AUTS2: variants seen among roughly 807,000 people sequenced by gnomAD.
AUTS2 encodes the protein autism susceptibility gene 2 protein.
A neutral mutation model predicts 112.4 loss-of-function variants in AUTS2; 17 were observed. That is an observed-to-expected ratio of 0.15 (90% confidence interval 0.10 to 0.23). AUTS2 has a LOEUF of 0.23. Ranked by LOEUF, AUTS2 falls within the 10% of genes least tolerant of loss-of-function variation. AUTS2 has a pLI of 1.00. For synonymous variants in AUTS2, 751 were observed against 702.7 expected (o/e 1.07, Z -1.09); for missense variants, 1,510 against 1,701.6 (o/e 0.89, Z 1.98).
intron 2 of AUTS2, among the ~76,000 whole-genome samples, chr7:70,105,933 A>C (rs1804744757): frequency 6.6e-6 from 1 of 152,186 alleles, no homozygotes; most frequent in African/African-American, 2.4e-5. Flanking sequence ...AATTTATATT[A>C]ATCAGTAAAA....
intron 2 of AUTS2, among the ~76,000 whole-genome samples, chr7:69,920,973 A>T (rs1176521912): frequency 1.3e-5 from 2 of 152,176 alleles, no homozygotes; most frequent in African/African-American, 2.4e-5. Flanking sequence ...ATTTTTCACT[A>T]ATCTCCCTCG....
chr7:69,965,107 A>C (rs532886519), intron 2 of AUTS2, among the ~76,000 whole-genome samples: 1 of 152,102 alleles, frequency 6.6e-6, no homozygotes, highest in Non-Finnish European at 1.5e-5. Flanking sequence ...GTGAACTTCA[A>C]CATCTGATAG....
chr7:69,941,537 A>G (rs1026207147), intron 2 of AUTS2, among the ~76,000 whole-genome samples: 3 of 151,066 alleles, frequency 2.0e-5, no homozygotes, highest in African/African-American at 7.3e-5. Context: ...ATTGCAGTTT[A>G]TACTACAGCA....
intron 2 of AUTS2, among the ~76,000 whole-genome samples, chr7:70,014,652 A>G (rs1010976832): frequency 6.6e-6 from 1 of 152,180 alleles, no homozygotes; most frequent in African/African-American, 2.4e-5. Flanking sequence ...TCTCTAACAC[A>G]CTGGTCCTGT....
intron 1 of AUTS2, among the ~76,000 whole-genome samples, chr7:69,756,558 A>T (rs1787953247): frequency 6.6e-6 from 1 of 151,544 alleles, no homozygotes; most frequent in Admixed American, 6.6e-5. Flanking sequence ...CAGGCCAGAC[A>T]ACTCCAGTTG....
At chr7:69,919,270 CTATTGA>C in intron 2 of AUTS2, among the ~76,000 whole-genome samples, 1 of 152,114 alleles carries the variant, frequency 6.6e-6, no homozygotes, top group East Asian at 1.9e-4. Context: ...CAGCGTGTGG[CTATTGA>C]TATTGATATA....
chr7:70,765,663 T>C (rs891735894), intron 8 of AUTS2, among the ~76,000 whole-genome samples: 1 of 152,132 alleles, frequency 6.6e-6, no homozygotes. Context: ...CAGCTGACAT[T>C]TATTAGTGTG....
chr7:70,065,628 C>T (rs971569208), intron 2 of AUTS2, among the ~76,000 whole-genome samples: 2 of 152,022 alleles, frequency 1.3e-5, no homozygotes, highest in East Asian at 3.9e-4. Context: ...ACCCGAGAGG[C>T]GGAGGTTATG....
chr7:69,989,965 C>T (rs1391091193), intron 2 of AUTS2, among the ~76,000 whole-genome samples: 1 of 152,192 alleles, frequency 6.6e-6, no homozygotes, highest in Non-Finnish European at 1.5e-5. Flanking sequence ...GGAACAGGTG[C>T]ATCCCAACAC....
At chr7:70,589,912 C>T (rs1423913421) in intron 5 of AUTS2, among the ~76,000 whole-genome samples, 2 of 152,216 alleles carry the variant, frequency 1.3e-5, no homozygotes, top group African/African-American at 4.8e-5. Flanking sequence ...CTCTGCTGTT[C>T]CCCACTCAAA....
chr7:70,097,022 T>A lies in AUTS2; in HGVS notation c.523-21110T>A, dbSNP rs530471761. Among the ~76,000 whole-genome samples, 29 of 152,314 alleles carry A rather than the reference T, an allele frequency of 1.9e-4. 1 individual carries two copies. In the South Asian group the frequency reaches 3.9e-3, roughly 21 times the overall value. ...TGTGCCTTCCCTAAAGGGCTGAAAT[T>A]GAAAAGAATTAGTACGAATGCATTT... On this transcript the variant is annotated intron_variant, in intron 2 of 18. Transcript: ENST00000342771.
intron 5 of AUTS2, among the ~76,000 whole-genome samples, chr7:70,580,423 A>G (rs945360272): frequency 6.6e-6 from 1 of 152,142 alleles, no homozygotes; most frequent in East Asian, 1.9e-4. Context: ...AAGGCAGGTC[A>G]AAAGGGTGGA....
At chr7:69,864,669 A>G (rs1422409662) in intron 1 of AUTS2, among the ~76,000 whole-genome samples, 10 of 152,150 alleles carry the variant, frequency 6.6e-5, no homozygotes, top group Admixed American at 5.9e-4. Flanking sequence ...TGAGAGGGAG[A>G]ACATACTTTA....
intron 4 of AUTS2, among the ~76,000 whole-genome samples, chr7:70,358,982 G>A (rs896000998): frequency 1.3e-5 from 2 of 152,198 alleles, no homozygotes; most frequent in African/African-American, 4.8e-5. Flanking sequence ...AGTCAGCTGG[G>A]GTCTTGTGCA....
intron 1 of AUTS2, among the ~76,000 whole-genome samples, chr7:69,846,057 C>G (rs993374670): frequency 6.6e-6 from 1 of 151,972 alleles, no homozygotes; most frequent in Non-Finnish European, 1.5e-5. Context: ...TCCCTCTTTT[C>G]TCACTCTCAA....
intron 5 of AUTS2, among the ~76,000 whole-genome samples, chr7:70,642,723 C>T (rs1468104392): frequency 2.6e-5 from 4 of 152,212 alleles, no homozygotes; most frequent in African/African-American, 4.8e-5. Context: ...TATCTCCTTC[C>T]ATTCCATCCT....
intron 1 of AUTS2, among the ~76,000 whole-genome samples, chr7:69,672,278 C>T (rs1036165439): frequency 3.9e-5 from 6 of 151,972 alleles, no homozygotes; most frequent in African/African-American, 1.2e-4. Context: ...AGTCCGATCT[C>T]GAACTCCCGA....
intron 4 of AUTS2, chr7:70,293,511 G>T (rs987341693): frequency 6.6e-6 from 1 of 152,132 alleles, no homozygotes; most frequent in South Asian, 2.1e-4. Flanking sequence ...GGACATTTCG[G>T]TTCTGTCATC....
At chr7:69,637,813 G>T (rs1794618307) in intron 1 of AUTS2, among the ~76,000 whole-genome samples, 3 of 152,218 alleles carry the variant, frequency 2.0e-5, no homozygotes, top group East Asian at 3.9e-4. Flanking sequence ...TGGCCTTGGA[G>T]AGGCTGTTAT....
Sources: gnomAD v4.1 joint callset for allele counts (sites outside exome capture counted in the v4.1 genomes callset) on GRCh38, gnomAD v4.1.1 for gene constraint, MANE v1.5 for transcripts, NCBI Gene and HGNC (gene_info 2026-07-23, HGNC 2026-07-21) for gene names.